Variants in RSPRY1 observed in about 807,000 individuals in gnomAD.
RSPRY1 encodes the protein ring finger and SPRY domain containing 1.
A neutral mutation model predicts 73.1 loss-of-function variants in RSPRY1; 23 were observed. The observed-to-expected ratio is 0.31, with a 90% CI of 0.23 to 0.45. The LOEUF (loss-of-function observed/expected upper bound fraction) is 0.45, where lower values mean the gene tolerates loss of function less well. Among genes scored for constraint, RSPRY1 ranks in the 20% least tolerant of loss-of-function variants. The probability of loss-of-function intolerance (pLI) is 1.00; values close to 1 mark genes in which losing one functional copy is unlikely to be tolerated. For missense variants in RSPRY1, 448 were observed against 698.7 expected (o/e 0.64, Z 4.05); for synonymous variants, 226 against 251.4 (o/e 0.90, Z 0.95).
Position 57,230,668 on chromosome 16 carries a change from A to G in RSPRY1, c.1274-43A>G, listed in dbSNP as rs368236422. ...GAGATGCTTAGCAAAGAATCCTGGT[A>G]GTACACATCATTATCCTAACAGTGT... is the stretch of plus-strand genomic sequence containing the variant. On this transcript the variant is annotated intron_variant, in intron 11 of 14. Coordinates refer to ENST00000394420, the MANE Select transcript of RSPRY1 (RefSeq NM_133368.3). 4.3e-4 allele frequency: 461 copies of G among 1,070,858 alleles called. 6 individuals carry two copies. In the South Asian group the frequency reaches 5.3e-3, roughly 12 times the overall value. 66.3% of individuals were successfully genotyped at this position (1,070,858 alleles called of 1,614,324 possible). A position where few individuals can be genotyped will look rare whatever the true frequency, so the allele number is the denominator to read the frequency against.
intron 1 of RSPRY1, among the ~76,000 whole-genome samples, chr16:57,201,984 G>A (rs1053997605): frequency 6.6e-6 from 1 of 151,998 alleles, no homozygotes; most frequent in East Asian, 1.9e-4. Flanking sequence ...AGGAGGGAGA[G>A]GGAGAGGAGC....
chr16:57,225,513 G>A (rs530563831), intron 10 of RSPRY1, among the ~76,000 whole-genome samples: 1 of 152,294 alleles, frequency 6.6e-6, no homozygotes, highest in South Asian at 2.1e-4. Flanking sequence ...AATCATTGTT[G>A]CATTCATCAG....
At chr16:57,201,577 A>G (rs1195635834) in intron 1 of RSPRY1, among the ~76,000 whole-genome samples, 1 of 152,208 alleles carries the variant, frequency 6.6e-6, no homozygotes, top group Non-Finnish European at 1.5e-5. Context: ...AGAGGCTGCA[A>G]TCTCGGCACT....
At chr16:57,230,677 C>A in intron 11 of RSPRY1, 34 bp from the exon 12 acceptor site, 1 of 1,205,446 alleles carries the variant, frequency 8.3e-7, no homozygotes, top group Non-Finnish European at 1.2e-6. Context: ...TAGTACACAT[C>A]ATTATCCTAA....
chr16:57,211,712 CCTTTTTTTTTTT>C (rs1183462930), intron 4 of RSPRY1, among the ~76,000 whole-genome samples: 1 of 151,984 alleles, frequency 6.6e-6, no homozygotes, highest in African/African-American at 2.4e-5. Context: ...TTTACAGAGT[CCTTTTTTTTTTT>C]CTTTTTTTCT....
intron 14 of RSPRY1, among the ~76,000 whole-genome samples, chr16:57,237,901 C>T (rs1230748856): frequency 2.0e-5 from 3 of 151,882 alleles, no homozygotes; most frequent in African/African-American, 7.3e-5. Flanking sequence ...TTAGTAGAGA[C>T]GGGGTTTCAC....
chr16:57,230,870 T>TAAAA, intron 12 of RSPRY1, 57 bp downstream of exon 12: 1 of 1,005,198 alleles, frequency 9.9e-7, no homozygotes, highest in Non-Finnish European at 1.5e-6. Context: ...CCCTTTTCTC[T>TAAAA]AGGAAAAAAA....
In RSPRY1 at chr16:57,230,037, T is replaced by G. The variant is rs1230762576; in HGVS notation, c.1274-674T>G. ...TTTTTTTTTTTTTTTTTGAGATGGATTTTTGCCCCGTCACCCAGGCTGGAG... is the reference window on the plus strand; with the variant it reads ...TTTTTTTTTTTTTTTTTGAGATGGAGTTTTGCCCCGTCACCCAGGCTGGAG... On this transcript the variant is annotated intron_variant, in intron 11 of 14. Transcript: ENST00000394420. 9.9e-4 allele frequency among the ~76,000 whole-genome samples: 83 copies of G among 84,038 alleles called. No individual in the cohort carries two copies. In the Middle Eastern group the frequency reaches 0.03, roughly 30 times the overall value. 55.1% of individuals were successfully genotyped at this position (84,038 alleles called of 152,430 possible).
intron 1 of RSPRY1, among the ~76,000 whole-genome samples, chr16:57,196,084 C>A (rs1173014264): frequency 6.7e-6 from 1 of 149,336 alleles, no homozygotes; most frequent in African/African-American, 2.5e-5. Context: ...TTTATATAAT[C>A]TCATCTTACT....
rs1470045514 is a variant in RSPRY1, at chr16:57,225,371, A to G, written c.1162-1971A>G. 6.6e-5 allele frequency among the ~76,000 whole-genome samples: 10 copies of G among 152,344 alleles called. No homozygotes were observed. In the East Asian group the frequency reaches 1.9e-3, roughly 29 times the overall value. The stretch of plus-strand genomic sequence containing the variant: ...TGGCAGCCTTGGGTGGTGAATTTCT[A>G]AGGCAATTAGATGCAAGCTCATTTA... On this transcript the variant is annotated intron_variant, in intron 10 of 14. Coordinates refer to ENST00000394420, the MANE Select transcript of RSPRY1 (RefSeq NM_133368.3).
At chr16:57,200,667 C>G (rs2074560064) in intron 1 of RSPRY1, among the ~76,000 whole-genome samples, 1 of 10,620 alleles carries the variant, frequency 9.4e-5, no homozygotes, top group Non-Finnish European at 2.2e-4. Flanking sequence ...GGGGGCTGAC[C>G]CCCCCACCTC....
rs2074689538 is a variant in RSPRY1, at chr16:57,204,693, G to A, written c.35G>A (p.Ser12Asn). The part of the protein sequence containing the change: ...IVFGWAVFLA[S>N]RSLGQGLLLT... ...TTTGGTTGGGCCGTGTTCTTAGCGA[G>A]CAGAAGCCTTGGCCAGGGTCTGTTG... Residue 12 changes from serine to asparagine, a missense_variant, in exon 2 of 15, where the codon AGC becomes AAC. Physicochemically the swap from Ser to Asn is conservative, Grantham distance 46. Transcript: ENST00000394420. The A allele has an allele frequency of 3.1e-6, 5 of 1,614,176 alleles. No individual in the cohort carries two copies. In the East Asian group the frequency reaches 1.1e-4, roughly 36 times the overall value.
chr16:57,222,102 G>T (rs1487718056), intron 10 of RSPRY1, among the ~76,000 whole-genome samples: 2 of 152,030 alleles, frequency 1.3e-5, no homozygotes, highest in African/African-American at 4.8e-5. Flanking sequence ...GTTTTCATAT[G>T]GTTTCTACCA....
intron 9 of RSPRY1, 94 bp from the exon 10 acceptor site, chr16:57,221,178 T>C: frequency 6.8e-7 from 1 of 1,467,840 alleles, no homozygotes; most frequent in Non-Finnish European, 9.3e-7. Flanking sequence ...GAAGTTTTAA[T>C]AAGGAAAAAT....
Position 57,231,752 on chromosome 16 carries a change from A to T in RSPRY1, c.1529+433A>T, listed in dbSNP as rs529911861. Among the ~76,000 whole-genome samples, 25 of 141,112 alleles carry T rather than the reference A, an allele frequency of 1.8e-4. No individual in the cohort carries two copies. The East Asian group carries it at 3.7e-3, about 21-fold the overall frequency. The allele number at this position is 141,112 out of a possible 152,430, so 92.6% of individuals were successfully genotyped here. ...CAAAATCCTAAATATTAGGAAATCT[A>T]GTACATCTTTTAGCAGACTCGGCTT... is the stretch of plus-strand genomic sequence containing the variant. On this transcript the variant is annotated intron_variant, in intron 13 of 14. Transcript: ENST00000394420.
At chr16:57,230,338 A>G (rs374336718) in intron 11 of RSPRY1, among the ~76,000 whole-genome samples, 2 of 152,192 alleles carry the variant, frequency 1.3e-5, no homozygotes, top group South Asian at 4.1e-4. Context: ...AAAGAAAGGC[A>G]TATTTTGGGG....
intron 8 of RSPRY1, chr16:57,220,402 A>G (rs528482218): frequency 5.9e-6 from 1 of 169,688 alleles, no homozygotes; most frequent in South Asian, 1.4e-4. Flanking sequence ...TATTTTATTT[A>G]TAGCTTTTGT....
At position 57,238,876 on chromosome 16, in the gene RSPRY1, C is replaced by T; in HGVS notation, c.1635-3C>T. On this transcript the variant is annotated splice_polypyrimidine_tract_variant and splice_region_variant and intron_variant, in intron 14 of 14. Transcript: ENST00000394420. The stretch of plus-strand genomic sequence containing the variant: ...TGACTGACTTTTCTGTGTTTCTCCC[C>T]AGTGACCTGTGCATGGATTGTGCCT... The T allele has an allele frequency of 6.4e-7, 1 of 1,569,416 alleles. No homozygotes were observed. The highest frequency in any genetic ancestry group is 8.6e-7 in the Non-Finnish European group (1 of 1,156,702).
chr16:57,238,690 A>C (rs1244955013), intron 14 of RSPRY1, among the ~76,000 whole-genome samples, 189 bp from the exon 15 acceptor site: 1 of 152,244 alleles, frequency 6.6e-6, no homozygotes, highest in Non-Finnish European at 1.5e-5. Flanking sequence ...TGTTCCACAG[A>C]CTAAGACAAT....
Sources: gnomAD v4.1 joint callset for allele counts (sites outside exome capture counted in the v4.1 genomes callset) on GRCh38, gnomAD v4.1.1 for gene constraint, MANE v1.5 for transcripts, NCBI Gene and HGNC (gene_info 2026-07-23, HGNC 2026-07-21) for gene names.